Variants in STXBP5L observed in about 807,000 individuals in gnomAD.
STXBP5L encodes syntaxin binding protein 5L.
STXBP5L carries 65 observed loss-of-function variants against 144.5 expected under a neutral mutation model. That is an observed-to-expected ratio of 0.45 (90% CI 0.37 to 0.55). The LOEUF (loss-of-function observed/expected upper bound fraction) is 0.55, where lower values mean the gene tolerates loss of function less well. Among genes scored for constraint, STXBP5L ranks in the 20% least tolerant of loss-of-function variants. The pLI, the probability that STXBP5L is intolerant of heterozygous loss-of-function variation, is 0.00. For missense variants in STXBP5L, 1,298 were observed against 1,405.5 expected (o/e 0.92, Z 1.22); for synonymous variants, 505 against 469.6 (o/e 1.08, Z -0.97).
At chr3:121,190,101 C>G (rs977167748) in intron 9 of STXBP5L, among the ~76,000 whole-genome samples, 2 of 150,858 alleles carry the variant, frequency 1.3e-5, no homozygotes, top group African/African-American at 4.9e-5. Flanking sequence ...GGGTGTTTCT[C>G]GGAGAGGGGG....
At chr3:121,065,627 C>A (rs983357708) in intron 5 of STXBP5L, among the ~76,000 whole-genome samples, 1 of 152,156 alleles carries the variant, frequency 6.6e-6, no homozygotes, top group African/African-American at 2.4e-5. Context: ...AGGCTGGCCT[C>A]AAACCCCTAG....
chr3:121,376,333 G>A lies in STXBP5L; in HGVS notation c.2177-2383G>A, dbSNP rs753951621. ...ACCCTTCTTAACTGCACAGTAAGAT[G>A]CTTCTGTTCTTCTAGGGTTTTTATG... is the stretch of plus-strand genomic sequence containing the variant. On this transcript the variant is annotated intron_variant, in intron 20 of 26. Transcript: ENST00000471454. Among the ~76,000 whole-genome samples the A allele has an allele frequency of 1.8e-4, 27 of 152,174 alleles. No individual in the cohort carries two copies. The East Asian group carries it at 2.7e-3, about 15-fold the overall frequency.
intron 19 of STXBP5L, among the ~76,000 whole-genome samples, chr3:121,305,006 T>C (rs2043288991): frequency 6.6e-6 from 1 of 152,000 alleles, no homozygotes; most frequent in African/African-American, 2.4e-5. Flanking sequence ...CACTGAATTC[T>C]ACAGACATTA....
At chr3:121,406,919 A>G (rs779273426) in intron 22 of STXBP5L, among the ~76,000 whole-genome samples, 4 of 152,014 alleles carry the variant, frequency 2.6e-5, no homozygotes, top group Non-Finnish European at 4.4e-5. Context: ...GGTAGGAATC[A>G]GAAAAATCTG....
At chr3:120,967,010 C>T (rs926727748) in intron 3 of STXBP5L, among the ~76,000 whole-genome samples, 8 of 152,122 alleles carry the variant, frequency 5.3e-5, no homozygotes, top group Non-Finnish European at 8.8e-5. Flanking sequence ...CAATGGTGGA[C>T]GCCCTTCCCC....
chr3:121,051,500 G>A (rs533964391), intron 5 of STXBP5L, among the ~76,000 whole-genome samples: 14 of 152,170 alleles, frequency 9.2e-5, no homozygotes, highest in African/African-American at 2.9e-4. Flanking sequence ...GGTACGTGAC[G>A]AAAAGAAGAC....
chr3:121,206,055 A>G (rs1209313742), intron 10 of STXBP5L, 54 bp downstream of exon 10: 3 of 1,067,902 alleles, frequency 2.8e-6, no homozygotes, highest in Non-Finnish European at 2.6e-6. Context: ...CAAAAAATGC[A>G]GATGACCTTT....
At chr3:120,936,270 TA>T (rs1710260090) in intron 2 of STXBP5L, among the ~76,000 whole-genome samples, 1 of 152,192 alleles carries the variant, frequency 6.6e-6, no homozygotes, top group African/African-American at 2.4e-5. Context: ...CACTGTTTTT[TA>T]TAAAGCCCAT....
chr3:120,948,278 C>A (rs992629982), intron 2 of STXBP5L, among the ~76,000 whole-genome samples: 1 of 151,014 alleles, frequency 6.6e-6, no homozygotes, highest in African/African-American at 2.4e-5. Flanking sequence ...CTGTTAAGAT[C>A]CTTTGCCCAT....
chr3:120,961,784 T>A (rs1018409749), intron 3 of STXBP5L, among the ~76,000 whole-genome samples: 1 of 152,226 alleles, frequency 6.6e-6, no homozygotes, highest in Admixed American at 6.5e-5. Flanking sequence ...TTTGGGTCTA[T>A]ACCCAGTAAT....
chr3:121,031,488 AG>A (rs1946368262), intron 3 of STXBP5L, among the ~76,000 whole-genome samples: 2 of 152,056 alleles, frequency 1.3e-5, no homozygotes, highest in African/African-American at 4.8e-5. Context: ...TCTGTAGGGC[AG>A]GTTGGCAGGC....
chr3:120,976,431 C>G (rs1278386311), intron 3 of STXBP5L, among the ~76,000 whole-genome samples: 1 of 152,108 alleles, frequency 6.6e-6, no homozygotes, highest in Non-Finnish European at 1.5e-5. Context: ...TGATTCTTCT[C>G]TCTTTTCTTC....
chr3:121,178,056 A>G (rs2047003362), intron 9 of STXBP5L, among the ~76,000 whole-genome samples: 1 of 152,206 alleles, frequency 6.6e-6, no homozygotes, highest in Non-Finnish European at 1.5e-5. Flanking sequence ...TTCCATTTAT[A>G]TAAGGTACCT....
chr3:121,258,460 T>C (rs1451404370), intron 17 of STXBP5L, among the ~76,000 whole-genome samples: 2 of 152,094 alleles, frequency 1.3e-5, no homozygotes, highest in African/African-American at 2.4e-5. Flanking sequence ...TTGATGTACA[T>C]AAAAAGAAGG....
chr3:120,995,618 G>T (rs1192885859), intron 3 of STXBP5L, among the ~76,000 whole-genome samples: 2 of 151,830 alleles, frequency 1.3e-5, no homozygotes, highest in African/African-American at 4.8e-5. Flanking sequence ...AATTATCACA[G>T]TCTACAGTTA....
At position 121,312,970 on chromosome 3, in the gene STXBP5L, G is replaced by A. The variant is rs541691084; in HGVS notation, c.2111-5505G>A. Reference sequence around the variant, plus strand: ...CATCATGGCCCATCACCAATGAGCCGCTGGGCACACCTCCCAGACGGGGTC... The same window carrying A: ...CATCATGGCCCATCACCAATGAGCCACTGGGCACACCTCCCAGACGGGGTC... On this transcript the variant is annotated intron_variant, in intron 19 of 26. Coordinates refer to ENST00000471454, the MANE Select transcript of STXBP5L (RefSeq NM_001308330.2). Among the ~76,000 whole-genome samples the A allele has an allele frequency of 2.6e-3, 403 of 152,272 alleles. 4 individuals carry two copies. Among genetic ancestry groups the A allele is most frequent in the African/African-American group, 9.0e-3 (373 of 41,552 alleles).
At position 121,098,162 on chromosome 3, in the gene STXBP5L, T is replaced by C. The variant is rs374025405; in HGVS notation, c.471-16763T>C. Reference sequence around the variant, plus strand: ...CTTGATATGTTTTTTAGAGTTGGTTTGAAAATTGGTGGAGATTGTTTGATG... The same window carrying C: ...CTTGATATGTTTTTTAGAGTTGGTTCGAAAATTGGTGGAGATTGTTTGATG... On this transcript the variant is annotated intron_variant, in intron 5 of 26. Coordinates refer to ENST00000471454, the MANE Select transcript of STXBP5L (RefSeq NM_001308330.2). 1.5e-4 allele frequency among the ~76,000 whole-genome samples: 23 copies of C among 152,290 alleles called. 1 individual carries two copies. The highest frequency in any genetic ancestry group is 1.2e-3 in the East Asian group (6 of 5,186).
At chr3:121,190,393 A>G (rs1367115990) in intron 9 of STXBP5L, among the ~76,000 whole-genome samples, 1 of 152,220 alleles carries the variant, frequency 6.6e-6, no homozygotes, top group African/African-American at 2.4e-5. Context: ...GATTAACAGC[A>G]TCCCAAGGCA....
At chr3:121,321,952 C>T (rs1423001813) in intron 20 of STXBP5L, among the ~76,000 whole-genome samples, 2 of 152,102 alleles carry the variant, frequency 1.3e-5, no homozygotes, top group Non-Finnish European at 2.9e-5. Context: ...TCCCATCACC[C>T]CGGCAGTGAG....
Sources: allele counts gnomAD v4.1 joint callset (sites outside exome capture counted in the v4.1 genomes callset), GRCh38; gene constraint gnomAD v4.1.1; transcripts MANE v1.5; gene names NCBI Gene and HGNC (gene_info 2026-07-23, HGNC 2026-07-21).